ESRRB: variants seen among roughly 807,000 people sequenced by gnomAD.
ESRRB encodes the protein steroid hormone receptor ERR2.
ESRRB carries 16 observed loss-of-function variants against 46.0 expected under a neutral mutation model. The ratio of observed to expected loss-of-function variants is 0.35; its 90% confidence interval spans 0.24 to 0.53. The LOEUF (loss-of-function observed/expected upper bound fraction) is 0.53, where lower values mean the gene tolerates loss of function less well. Among genes scored for constraint, ESRRB ranks in the 20% least tolerant of loss-of-function variants. The pLI is 0.93. For missense variants in ESRRB, 488 were observed against 607.4 expected (o/e 0.80, Z 2.07); for synonymous variants, 246 against 259.6 (o/e 0.95, Z 0.50).
chr14:76,486,564 T>A (rs545762942), intron 5 of ESRRB, among the ~76,000 whole-genome samples: 2 of 152,182 alleles, frequency 1.3e-5, no homozygotes, highest in Non-Finnish European at 2.9e-5. Context: ...CGTGCTTTTT[T>A]TTTTTCCCCC....
chr14:76,363,657 C>A (rs1884489662), intron 1 of ESRRB, among the ~76,000 whole-genome samples: 1 of 152,214 alleles, frequency 6.6e-6, no homozygotes, highest in African/African-American at 2.4e-5. Context: ...AGAGGGCTGG[C>A]CCACACTGGC....
chr14:76,479,398 C>CTGTT (rs1889719512), intron 3 of ESRRB, among the ~76,000 whole-genome samples: 2 of 152,196 alleles, frequency 1.3e-5, no homozygotes, highest in African/African-American at 4.8e-5. Context: ...CTCAGGAACA[C>CTGTT]ATTTGTTATT....
chr14:76,473,985 G>GACGA, intron 3 of ESRRB, among the ~76,000 whole-genome samples: 1 of 152,374 alleles, frequency 6.6e-6, no homozygotes. Flanking sequence ...CCAGCCTGGT[G>GACGA]ACGAGGCCGG....
At chr14:76,369,640 T>A (rs147365441), upstream of ESRRB, among the ~76,000 whole-genome samples, 1 of 152,280 alleles carries the variant, frequency 6.6e-6, no homozygotes, top group East Asian at 1.9e-4. Flanking sequence ...CAAAACATTT[T>A]ACTAGAGCAA....
In ESRRB at chr14:76,500,830, C is replaced by A; in HGVS notation, c.*2372C>A. On this transcript the variant is annotated 3_prime_UTR_variant, in exon 7 of 7. Coordinates refer to ENST00000644823, the MANE Select transcript of ESRRB (RefSeq NM_001379180.1). ...TCAGAGCCCCTCTAGCAGAGTGGGG[C>A]GGAAGTCCTGATGGTTGGTGTCCAT... 1 of 1,231,090 alleles carries A rather than the reference C, an allele frequency of 8.1e-7. No homozygotes were observed. The highest frequency in any genetic ancestry group is 1.2e-5 in the South Asian group (1 of 83,472). 76.3% of individuals were successfully genotyped at this position (1,231,090 alleles called of 1,614,324 possible). A position where few individuals can be genotyped will look rare whatever the true frequency, so the allele number is the denominator to read the frequency against.
At chr14:76,369,191 G>GA (rs200417472), upstream of ESRRB, among the ~76,000 whole-genome samples, 74 of 132,740 alleles carry the variant, frequency 5.6e-4, no homozygotes, top group Admixed American at 5.8e-4. Context: ...TCAAAAAAAA[G>GA]AAAAAAAAAA....
chr14:76,368,281 C>A (rs1476923583), upstream of ESRRB, among the ~76,000 whole-genome samples: 1 of 151,992 alleles, frequency 6.6e-6, no homozygotes, highest in Non-Finnish European at 1.5e-5. Flanking sequence ...CCCCAGTATG[C>A]TTTCAAAGCA....
At chr14:76,388,937 C>T (rs1355783585) in intron 1 of ESRRB, among the ~76,000 whole-genome samples, 1 of 152,192 alleles carries the variant, frequency 6.6e-6, no homozygotes, top group Non-Finnish European at 1.5e-5. Flanking sequence ...TGGTGCCCGT[C>T]TTGGATTCCC....
chr14:76,325,503 C>T (rs755030482), intron 1 of ESRRB, among the ~76,000 whole-genome samples: 4 of 152,112 alleles, frequency 2.6e-5, no homozygotes, highest in African/African-American at 7.2e-5. Context: ...TGAAGGACCA[C>T]GTTTAGAGTC....
chr14:76,486,640 A>G (rs1242346393), intron 5 of ESRRB, among the ~76,000 whole-genome samples: 1 of 151,936 alleles, frequency 6.6e-6, no homozygotes, highest in Admixed American at 6.6e-5. Context: ...GGAGAGCCTG[A>G]ATGTTATTAG....
chr14:76,486,283 G>A (rs1413518286), intron 5 of ESRRB, among the ~76,000 whole-genome samples: 2 of 152,168 alleles, frequency 1.3e-5, no homozygotes, highest in Non-Finnish European at 1.5e-5. Flanking sequence ...AGGAAAGCCT[G>A]CCCAGGGAGT....
chr14:76,405,675 T>C (rs1429200484), intron 1 of ESRRB, among the ~76,000 whole-genome samples: 1 of 151,814 alleles, frequency 6.6e-6, no homozygotes, highest in Non-Finnish European at 1.5e-5. Context: ...CCCTTAGGAT[T>C]TAGCCCTTCT....
intron 1 of ESRRB, among the ~76,000 whole-genome samples, chr14:76,379,315 C>G (rs1370004053): frequency 6.6e-6 from 1 of 152,138 alleles, no homozygotes; most frequent in African/African-American, 2.4e-5. Context: ...CAGCTGGAGA[C>G]CCACGGCAAA....
At chr14:76,364,691 C>CA (rs11432405) in intron 1 of ESRRB, among the ~76,000 whole-genome samples, 57,159 of 143,242 alleles carry the variant, frequency 0.4, 11,552 homozygotes, top group Non-Finnish European at 0.46. Context: ...GATCCTGTCT[C>CA]AAAAAAAAAA....
chr14:76,402,329 C>T (rs1435236510), intron 1 of ESRRB, among the ~76,000 whole-genome samples: 1 of 152,166 alleles, frequency 6.6e-6, no homozygotes, highest in South Asian at 2.1e-4. Context: ...AAACCATGGC[C>T]CTGTCTTCGG....
At chr14:76,371,883 T>C (rs1470118589), upstream of ESRRB, among the ~76,000 whole-genome samples, 1 of 152,068 alleles carries the variant, frequency 6.6e-6, no homozygotes, top group Admixed American at 6.5e-5. Context: ...CTATTGTTGG[T>C]CCTAGGGGAG....
chr14:76,372,635 C>T (rs1354882815), upstream of ESRRB, among the ~76,000 whole-genome samples: 1 of 152,080 alleles, frequency 6.6e-6, no homozygotes, highest in Non-Finnish European at 1.5e-5. Flanking sequence ...AGTTCTAGAC[C>T]AGCCTGGGCA....
intron 2 of ESRRB, among the ~76,000 whole-genome samples, chr14:76,443,763 G>A (rs762600578): frequency 6.6e-6 from 1 of 152,180 alleles, no homozygotes; most frequent in African/African-American, 2.4e-5. Context: ...AGAGGCCCAG[G>A]TGTCTGCGAA....
chr14:76,491,790 C>A (rs1436263218), intron 6 of ESRRB, 74 bp downstream of exon 6: 3 of 1,464,178 alleles, frequency 2.0e-6, no homozygotes, highest in South Asian at 1.4e-5. Flanking sequence ...ATCCCTGGGG[C>A]CTGTGGGCAG....
Sources: gnomAD v4.1 joint callset for allele counts (sites outside exome capture counted in the v4.1 genomes callset) on GRCh38, gnomAD v4.1.1 for gene constraint, MANE v1.5 for transcripts, NCBI Gene and HGNC (gene_info 2026-07-23, HGNC 2026-07-21) for gene names.